The following CMIP variants were observed in gnomAD, a reference collection of about 807,000 sequenced individuals.
CMIP encodes the protein c-Maf inducing protein, also known as C-Maf-inducing protein.
In CMIP, 13 loss-of-function variants were observed where a neutral mutation model predicts 97.3. The observed-to-expected ratio is 0.13, with a 90% CI of 0.09 to 0.21. CMIP has a LOEUF of 0.21. Among genes scored for constraint, CMIP ranks in the 10% least tolerant of loss-of-function variants. The probability of loss-of-function intolerance (pLI) is 1.00; values close to 1 mark genes in which losing one functional copy is unlikely to be tolerated. For missense variants in CMIP, 847 were observed against 1,024.9 expected, an observed-to-expected ratio of 0.83 and a Z score of 2.37; for synonymous variants, 538 against 436.3, an observed-to-expected ratio of 1.23 and a Z score of -2.91.
intron 3 of CMIP, among the ~76,000 whole-genome samples, chr16:81,651,028 T>C (rs2092422266): frequency 2.0e-5 from 3 of 152,224 alleles, no homozygotes. Context: ...AGGGAGGCTC[T>C]GGCAGCTTCT....
intron 3 of CMIP, among the ~76,000 whole-genome samples, chr16:81,622,449 A>G (rs1209696656): frequency 1.3e-5 from 2 of 152,210 alleles, no homozygotes; most frequent in African/African-American, 2.4e-5. Flanking sequence ...GTCAGCACCT[A>G]CTGGGGACCG....
At chr16:81,471,703 G>A (rs1240202700) in intron 1 of CMIP, among the ~76,000 whole-genome samples, 2 of 152,154 alleles carry the variant, frequency 1.3e-5, no homozygotes, top group Non-Finnish European at 2.9e-5. Flanking sequence ...TTCATCCTAC[G>A]CGTACATACT....
At chr16:81,690,792 G>A (rs970987757) in intron 10 of CMIP, among the ~76,000 whole-genome samples, 1 of 152,174 alleles carries the variant, frequency 6.6e-6, no homozygotes, top group African/African-American at 2.4e-5. Flanking sequence ...TGGGCATAGT[G>A]GCGCACGCCT....
chr16:81,472,922 C>T (rs539398332), intron 1 of CMIP, among the ~76,000 whole-genome samples: 1 of 152,282 alleles, frequency 6.6e-6, no homozygotes, highest in South Asian at 2.1e-4. Flanking sequence ...CCGCAGCTGC[C>T]CAGTGAGTGT....
intron 1 of CMIP, among the ~76,000 whole-genome samples, chr16:81,491,641 T>C (rs2089407642): frequency 1.3e-5 from 2 of 152,218 alleles, no homozygotes; most frequent in African/African-American, 2.4e-5. Flanking sequence ...TTGGATGTAT[T>C]TTCAGATAAA....
intron 3 of CMIP, among the ~76,000 whole-genome samples, chr16:81,629,676 G>T (rs1382708725): frequency 6.6e-6 from 1 of 152,198 alleles, no homozygotes; most frequent in African/African-American, 2.4e-5. Context: ...CATTTTAGCA[G>T]CTGTGGCCAG....
intron 1 of CMIP, among the ~76,000 whole-genome samples, chr16:81,592,353 G>A (rs544392969): frequency 4.9e-4 from 74 of 152,124 alleles, no homozygotes; most frequent in Non-Finnish European, 8.7e-4. Context: ...GACCAGGGTC[G>A]CACAAACTCT....
intron 1 of CMIP, among the ~76,000 whole-genome samples, chr16:81,503,989 A>G (rs1467474712): frequency 6.6e-6 from 1 of 152,174 alleles, no homozygotes; most frequent in African/African-American, 2.4e-5. Context: ...ATAAATGGAG[A>G]GGTGAGGCTT....
At position 81,678,635 on chromosome 16, in the gene CMIP, G is replaced by GCCC. The variant is rs74910737; in HGVS notation, c.1388+13_1388+15dup. 9.6e-4 allele frequency: 1,310 copies of GCCC among 1,368,788 alleles called. 1 individual carries two copies. The highest frequency in any genetic ancestry group is 1.1e-3 in the Non-Finnish European group (1,112 of 977,036). 84.8% of individuals were successfully genotyped at this position (1,368,788 alleles called of 1,614,324 possible). A position where few individuals can be genotyped will look rare whatever the true frequency, so the allele number is the denominator to read the frequency against. ...TGGAAATCCTCAAGCTGCTGTGAGT[G>GCCC]CCCCCCCCGCGTGCCCGCCCCCGGG... On this transcript the variant is annotated splice_region_variant and intron_variant, in intron 10 of 20. Coordinates refer to ENST00000537098, the MANE Select transcript of CMIP (RefSeq NM_198390.3).
At chr16:81,683,286 G>A (rs1370479181) in intron 10 of CMIP, among the ~76,000 whole-genome samples, 9 of 152,136 alleles carry the variant, frequency 5.9e-5, no homozygotes, top group East Asian at 1.9e-4. Context: ...GGCTCCCGTC[G>A]ACCGCTTGGG....
intron 1 of CMIP, chr16:81,495,551 C>G: frequency 1.3e-6 from 2 of 1,581,810 alleles, no homozygotes; most frequent in Non-Finnish European, 8.6e-7. Flanking sequence ...CCTAAAACCT[C>G]GCCTGCTGCT....
At chr16:81,549,403 G>C (rs1033086229) in intron 1 of CMIP, among the ~76,000 whole-genome samples, 3 of 152,212 alleles carry the variant, frequency 2.0e-5, no homozygotes, top group African/African-American at 7.2e-5. Flanking sequence ...ATGAGGTCAG[G>C]AGCCAGCAGC....
intron 3 of CMIP, among the ~76,000 whole-genome samples, chr16:81,622,751 TTTCAACAGTGAC>T (rs538319128): frequency 4.6e-5 from 7 of 152,190 alleles, no homozygotes; most frequent in Non-Finnish European, 8.8e-5. Flanking sequence ...TGGTCCACAT[TTTCAACAGTGAC>T]TTACACGTGC....
At position 81,621,185 on chromosome 16, in the gene CMIP, A is replaced by G. The variant is rs2150961210; in HGVS notation, c.477+259A>G. 5.0e-6 allele frequency: 2 copies of G among 397,876 alleles called. No individual in the cohort carries two copies. The highest frequency in any genetic ancestry group is 4.7e-5 in the East Asian group (1 of 21,318). The allele number at this position is 397,876 out of a possible 1,614,324, so 24.6% of individuals were successfully genotyped here. ...GCTGTTTTCCTGCTTCAAAAGGATCATAGAACTGCTTGCTCTCAGAGTGAG... is the reference window on the plus strand; with the variant it reads ...GCTGTTTTCCTGCTTCAAAAGGATCGTAGAACTGCTTGCTCTCAGAGTGAG... On this transcript the variant is annotated intron_variant, in intron 3 of 20. Coordinates refer to ENST00000537098, the MANE Select transcript of CMIP (RefSeq NM_198390.3). The surrounding 1 kb of genome is among the most constrained non-coding windows in gnomAD (Gnocchi z 4.1).
intron 5 of CMIP, among the ~76,000 whole-genome samples, chr16:81,658,083 C>G (rs1305093206): frequency 6.6e-6 from 1 of 152,174 alleles, no homozygotes; most frequent in East Asian, 1.9e-4. Context: ...GCGTCTCTGC[C>G]TAGGGAGTTG....
chr16:81,706,082 A>G (rs563971651), intron 19 of CMIP, among the ~76,000 whole-genome samples: 23 of 152,220 alleles, frequency 1.5e-4, no homozygotes, highest in Non-Finnish European at 2.8e-4. Flanking sequence ...CCCTGTCATA[A>G]TAGAAGGAGG....
intron 1 of CMIP, among the ~76,000 whole-genome samples, chr16:81,484,628 G>T (rs1161714128): frequency 2.0e-5 from 3 of 152,174 alleles, no homozygotes; most frequent in Non-Finnish European, 4.4e-5. Flanking sequence ...GCTCTCTGCT[G>T]CAGTTGGTGC....
At chr16:81,703,519 A>C (rs1907654239) in intron 17 of CMIP, among the ~76,000 whole-genome samples, 2 of 151,972 alleles carry the variant, frequency 1.3e-5, no homozygotes, top group Admixed American at 1.3e-4. Context: ...AAATATACAC[A>C]GACGTGCACA....
intron 1 of CMIP, among the ~76,000 whole-genome samples, chr16:81,568,325 C>T (rs2091021425): frequency 6.6e-6 from 1 of 152,154 alleles, no homozygotes; most frequent in Non-Finnish European, 1.5e-5. Flanking sequence ...TCCCCACTGC[C>T]TACGTGCCTG....
Sources: gnomAD v4.1 joint callset for allele counts (sites outside exome capture counted in the v4.1 genomes callset) on GRCh38, gnomAD v4.1.1 for gene constraint, Gnocchi (gnomAD v3.1) non-coding constraint, MANE v1.5 for transcripts, NCBI Gene and HGNC (gene_info 2026-07-23, HGNC 2026-07-21) for gene names.